GAS7: variants seen among roughly 807,000 people sequenced by gnomAD.
The protein encoded by GAS7 is growth arrest-specific protein 7.
Under a neutral mutation model 71.1 loss-of-function variants are expected in GAS7, and 28 were observed. That is an observed-to-expected ratio of 0.39 (90% confidence interval 0.29 to 0.54). GAS7 has a LOEUF of 0.54. Ranked by LOEUF, GAS7 falls within the 20% of genes least tolerant of loss-of-function variation. GAS7 has a pLI of 0.62. For synonymous variants in GAS7, 258 were observed against 245.8 expected, an observed-to-expected ratio of 1.05 and a Z score of -0.46; for missense variants, 436 against 627.8, an observed-to-expected ratio of 0.69 and a Z score of 3.27.
In GAS7 at chr17:10,028,727, T is replaced by TA. The variant is rs577606968; in HGVS notation, c.184-8831dup. Among the ~76,000 whole-genome samples the TA allele has an allele frequency of 1.1e-3, 165 of 149,280 alleles. 1 individual carries two copies. Among genetic ancestry groups the TA allele is most frequent in the African/African-American group, 3.8e-3 (153 of 40,692 alleles). ...GATATAAAAAAGGAACAGGAAATGA[T>TA]AAAAATTATAGGGAAGTTTGAAAGG... On this transcript the variant is annotated intron_variant, in intron 1 of 13. Coordinates refer to ENST00000432992, the MANE Select transcript of GAS7 (RefSeq NM_201433.2).
chr17:10,180,331 C>CA (rs34829725), intron 1 of GAS7, among the ~76,000 whole-genome samples: 42,847 of 96,126 alleles, frequency 0.45, 8,422 homozygotes, highest in African/African-American at 0.51. Flanking sequence ...AACTCTGCCT[C>CA]AAAAAAAAAA....
intron 1 of GAS7, among the ~76,000 whole-genome samples, chr17:10,052,958 A>G (rs1409125043): frequency 6.6e-6 from 1 of 152,196 alleles, no homozygotes; most frequent in Non-Finnish European, 1.5e-5. Context: ...TCATACTCAA[A>G]TCCATCCCCA....
chr17:9,981,830 G>C lies in GAS7; in HGVS notation c.359C>G (p.Ser120Cys). 1 of 1,604,150 alleles carries C rather than the reference G, an allele frequency of 6.2e-7. No homozygotes were observed. The highest frequency in any genetic ancestry group is 1.3e-5 in the African/African-American group (1 of 74,860). Reference protein sequence around the residue: ...SSPGIPASPGSHRSSLPPTVN... With the variant: ...SSPGIPASPGCHRSSLPPTVN... ...TGTTGGAGGCAGAGAGCTCCTGTGA[G>C]AGCCAGGGCTGGCTGGAATCCCAGG... is the stretch of plus-strand genomic sequence containing the variant. Residue 120 changes from serine to cysteine, a missense_variant, in exon 3 of 14, where the codon TCT becomes TGT. By Grantham distance (112) the Ser-to-Cys change is moderately radical. Coordinates refer to ENST00000432992, the MANE Select transcript of GAS7 (RefSeq NM_201433.2). The surrounding 1 kb of genome is among the most constrained non-coding windows in gnomAD (Gnocchi z 4.4).
At chr17:9,964,685 T>G (rs2069635526) in intron 4 of GAS7, among the ~76,000 whole-genome samples, 1 of 152,198 alleles carries the variant, frequency 6.6e-6, no homozygotes, top group South Asian at 2.1e-4. Flanking sequence ...CAGGCTAGGT[T>G]CTCACAGCAT....
At chr17:9,928,457 G>A (rs1283930690) in intron 9 of GAS7, among the ~76,000 whole-genome samples, 1 of 152,026 alleles carries the variant, frequency 6.6e-6, no homozygotes, top group Non-Finnish European at 1.5e-5. Flanking sequence ...AACGGGACCT[G>A]CTGTGGTCAA....
At chr17:10,083,048 C>T (rs2073475328) in intron 1 of GAS7, among the ~76,000 whole-genome samples, 1 of 152,186 alleles carries the variant, frequency 6.6e-6, no homozygotes, top group Admixed American at 6.5e-5. Context: ...AGATGTCTTA[C>T]ACACTGACTA....
rs372746026 is a variant in GAS7 at position 9,974,161 on chromosome 17, A to G, written c.386-4399T>C. Among the ~76,000 whole-genome samples, 4 of 152,302 alleles carry G rather than the reference A, an allele frequency of 2.6e-5. No homozygotes were observed. Among genetic ancestry groups the G allele is most frequent in the African/African-American group, 9.6e-5 (4 of 41,568 alleles). On this transcript the variant is annotated intron_variant, in intron 3 of 13. Transcript: ENST00000432992. This position sits in a 1 kb window ranked among gnomAD's most constrained non-coding sequence, Gnocchi z 4.0. ...ATGGCTAATTACTGCTCATGTCAAAACAATTACGAGGAAAGAAAACACAGT... is the reference window on the plus strand; with the variant it reads ...ATGGCTAATTACTGCTCATGTCAAAGCAATTACGAGGAAAGAAAACACAGT...
intron 1 of GAS7, among the ~76,000 whole-genome samples, chr17:10,100,737 G>A (rs1274604164): frequency 1.3e-5 from 2 of 152,064 alleles, no homozygotes; most frequent in East Asian, 1.9e-4. Flanking sequence ...TTTAGAATCA[G>A]AAAGACTCTA....
chr17:9,911,992 G>A lies in GAS7; in HGVS notation c.*5236C>T, dbSNP rs2067450856. On this transcript the variant is annotated 3_prime_UTR_variant, in exon 14 of 14. Coordinates refer to ENST00000432992, the MANE Select transcript of GAS7 (RefSeq NM_201433.2). The surrounding 1 kb of genome is among the most constrained non-coding windows in gnomAD (Gnocchi z 4.0). ...GGGGTGCAGGTACAGGCCAGGCTGTGTGATCACCAGCTAGGCAAGGCTCCA... is the reference window on the plus strand; with the variant it reads ...GGGGTGCAGGTACAGGCCAGGCTGTATGATCACCAGCTAGGCAAGGCTCCA... 1 of 231,990 alleles carries A rather than the reference G, an allele frequency of 4.3e-6. No individual in the cohort carries two copies. Among genetic ancestry groups the A allele is most frequent in the South Asian group, 1.8e-4 (1 of 5,524 alleles). The allele number at this position is 231,990 out of a possible 1,614,324, so 14.4% of individuals were successfully genotyped here.
At chr17:9,976,413 G>A (rs1049294185) in intron 3 of GAS7, among the ~76,000 whole-genome samples, 2 of 152,184 alleles carry the variant, frequency 1.3e-5, no homozygotes, top group African/African-American at 2.4e-5. Context: ...GGCTAATTTC[G>A]CAAGAAGCGA....
intron 1 of GAS7, among the ~76,000 whole-genome samples, chr17:10,060,248 C>T (rs1030683950): frequency 2.6e-5 from 4 of 152,204 alleles, no homozygotes; most frequent in Non-Finnish European, 4.4e-5. Flanking sequence ...CCTGCCATAA[C>T]GAAGAGTCGA....
At chr17:10,046,820 GGAA>G (rs2072972253) in intron 1 of GAS7, among the ~76,000 whole-genome samples, 1 of 107,942 alleles carries the variant, frequency 9.3e-6, no homozygotes, top group Non-Finnish European at 1.8e-5. Flanking sequence ...AAGGAAGGAA[GGAA>G]GGAAGGAAGG....
intron 1 of GAS7, among the ~76,000 whole-genome samples, chr17:10,060,072 C>T (rs1325272610): frequency 6.6e-6 from 1 of 152,198 alleles, no homozygotes; most frequent in African/African-American, 2.4e-5. Flanking sequence ...CCTGCACATG[C>T]TCCTTCCGGT....
Position 9,969,582 on chromosome 17 carries a change from G to A in GAS7, c.471+95C>T, listed in dbSNP as rs2069869669. ...TTCTACCTGGGGGCAGAACTGGGCT[G>A]CAGCCACCTGGACTCCCATGATGGA... On this transcript the variant is annotated intron_variant, in intron 4 of 13. Transcript: ENST00000432992. The surrounding 1 kb of genome is among the most constrained non-coding windows in gnomAD (Gnocchi z 5.5). The A allele has an allele frequency of 1.3e-6, 1 of 768,888 alleles. No individual in the cohort carries two copies. The highest frequency in any genetic ancestry group is 2.3e-6 in the Non-Finnish European group (1 of 433,842). The allele number at this position is 768,888 out of a possible 1,614,324, so 47.6% of individuals were successfully genotyped here.
intron 9 of GAS7, among the ~76,000 whole-genome samples, chr17:9,927,871 C>T (rs114401559): frequency 0.02 from 3,042 of 152,226 alleles, 113 homozygotes; most frequent in African/African-American, 0.068. Context: ...TCCCGCATTG[C>T]GCTCATAAAG....
At chr17:9,947,496 G>A (rs1303265537) in intron 5 of GAS7, among the ~76,000 whole-genome samples, 2 of 152,202 alleles carry the variant, frequency 1.3e-5, no homozygotes, top group African/African-American at 4.8e-5. Context: ...TGTAATCCCA[G>A]CACTTTGGGA....
At chr17:10,067,462 C>A (rs1463082894) in intron 1 of GAS7, among the ~76,000 whole-genome samples, 1 of 152,088 alleles carries the variant, frequency 6.6e-6, no homozygotes. Flanking sequence ...CCAGGCTGGT[C>A]TCGAACTGCT....
chr17:9,998,519 C>T (rs907254725), intron 2 of GAS7, among the ~76,000 whole-genome samples: 1 of 150,886 alleles, frequency 6.6e-6, no homozygotes, highest in African/African-American at 2.5e-5. Context: ...GCCCGTGATC[C>T]TAGAACTTTG....
chr17:9,989,165 C>A (rs148766441), intron 2 of GAS7, among the ~76,000 whole-genome samples: 1 of 152,182 alleles, frequency 6.6e-6, no homozygotes, highest in East Asian at 1.9e-4. Flanking sequence ...GGAACTGAGG[C>A]CTCAGTGAGA....
Sources: gnomAD v4.1 joint callset for allele counts (sites outside exome capture counted in the v4.1 genomes callset) on GRCh38, gnomAD v4.1.1 for gene constraint, Gnocchi (gnomAD v3.1) non-coding constraint, MANE v1.5 for transcripts, NCBI Gene and HGNC (gene_info 2026-07-23, HGNC 2026-07-21) for gene names.